The following PTPRM variants were observed in gnomAD, a reference collection of about 807,000 sequenced individuals.
PTPRM encodes the protein receptor-type tyrosine-protein phosphatase mu.
A neutral mutation model predicts 186.7 loss-of-function variants in PTPRM; 47 were observed. The ratio of observed to expected loss-of-function variants is 0.25; its 90% CI spans 0.20 to 0.32. PTPRM has a LOEUF of 0.32. Ranked by LOEUF, PTPRM falls within the 10% of genes least tolerant of loss-of-function variation. The pLI is 1.00. For synonymous variants in PTPRM, 668 were observed against 674.9 expected (o/e 0.99, Z 0.16); for missense variants, 1,494 against 1,865.0 (o/e 0.80, Z 3.66).
intron 1 of PTPRM, among the ~76,000 whole-genome samples, chr18:7,663,653 A>G (rs537098609): frequency 6.6e-6 from 1 of 152,348 alleles, no homozygotes; most frequent in South Asian, 2.1e-4. Flanking sequence ...TGTACCATGA[A>G]GAGGACAAGG....
At chr18:7,620,716 T>G (rs915279267) in intron 1 of PTPRM, among the ~76,000 whole-genome samples, 4 of 152,318 alleles carry the variant, frequency 2.6e-5, no homozygotes, top group Admixed American at 2.0e-4. Context: ...GATCATCACA[T>G]GGACATGATA....
chr18:7,690,737 G>A (rs2039713447), intron 1 of PTPRM, among the ~76,000 whole-genome samples: 1 of 152,098 alleles, frequency 6.6e-6, no homozygotes. Context: ...TTAAAATTAT[G>A]GTTGTTACCT....
chr18:7,795,510 C>T, intron 2 of PTPRM, among the ~76,000 whole-genome samples: 1 of 150,962 alleles, frequency 6.6e-6, no homozygotes, highest in East Asian at 1.9e-4. Context: ...CCCAGAGAAG[C>T]CACTTTGAGA....
At chr18:7,908,864 A>C (rs2050126473) in intron 4 of PTPRM, among the ~76,000 whole-genome samples, 1 of 152,234 alleles carries the variant, frequency 6.6e-6, no homozygotes, top group Non-Finnish European at 1.5e-5. Flanking sequence ...CCAGCTAGAA[A>C]AGTGCCATGA....
intron 1 of PTPRM, among the ~76,000 whole-genome samples, chr18:7,627,823 A>T (rs1445229865): frequency 1.3e-5 from 2 of 152,172 alleles, no homozygotes; most frequent in Admixed American, 6.5e-5. Flanking sequence ...CAGCAAGGAA[A>T]TCAACAGTAG....
At chr18:8,237,261 A>G (rs902728327) in intron 14 of PTPRM, among the ~76,000 whole-genome samples, 3 of 152,204 alleles carry the variant, frequency 2.0e-5, no homozygotes, top group South Asian at 2.1e-4. Context: ...TCTTTCTGCT[A>G]TATCAATTAA....
intron 7 of PTPRM, among the ~76,000 whole-genome samples, chr18:8,020,068 A>G (rs1341966168): frequency 6.6e-6 from 1 of 152,294 alleles, no homozygotes; most frequent in South Asian, 2.1e-4. Flanking sequence ...GATGCCTGTT[A>G]GTATATATGA....
At chr18:7,685,193 C>T (rs1180848336) in intron 1 of PTPRM, among the ~76,000 whole-genome samples, 2 of 152,170 alleles carry the variant, frequency 1.3e-5, no homozygotes, top group Non-Finnish European at 2.9e-5. Context: ...CCAGGGTCAT[C>T]TCAGAATGCC....
chr18:7,940,145 A>G (rs999133943), intron 5 of PTPRM, among the ~76,000 whole-genome samples: 1 of 152,166 alleles, frequency 6.6e-6, no homozygotes, highest in Admixed American at 6.5e-5. Context: ...AGGGAATGGA[A>G]TCTGGGGACC....
At chr18:8,331,872 T>G (rs1366252780) in intron 22 of PTPRM, among the ~76,000 whole-genome samples, 1 of 152,272 alleles carries the variant, frequency 6.6e-6, no homozygotes, top group Non-Finnish European at 1.5e-5. Context: ...TTTGAAGTCT[T>G]GCTGAAATTG....
intron 1 of PTPRM, among the ~76,000 whole-genome samples, chr18:7,711,215 G>C (rs1445933868): frequency 1.3e-5 from 2 of 152,132 alleles, no homozygotes; most frequent in Non-Finnish European, 1.5e-5. Flanking sequence ...TGCCTCACCC[G>C]GGAAGCTCAA....
chr18:8,335,061 C>T (rs957998913), intron 22 of PTPRM, among the ~76,000 whole-genome samples: 10 of 152,180 alleles, frequency 6.6e-5, no homozygotes, highest in African/African-American at 1.9e-4. Context: ...ATTCTAAAAC[C>T]GGAACTTTCC....
intron 1 of PTPRM, among the ~76,000 whole-genome samples, chr18:7,705,728 T>C (rs545368038): frequency 6.6e-6 from 1 of 151,804 alleles, no homozygotes; most frequent in East Asian, 1.9e-4. Context: ...TTTCTTTCTT[T>C]TTCTCTTTTC....
chr18:7,834,582 A>G (rs2145763207), intron 2 of PTPRM, among the ~76,000 whole-genome samples: 1 of 147,472 alleles, frequency 6.8e-6, no homozygotes, highest in Non-Finnish European at 1.5e-5. Flanking sequence ...AACCAGTTCA[A>G]AGATGTCTGG....
intron 24 of PTPRM, among the ~76,000 whole-genome samples, chr18:8,373,410 A>G (rs139942205): frequency 1.6e-4 from 24 of 152,332 alleles, no homozygotes; most frequent in Admixed American, 2.6e-4. Flanking sequence ...CACATAGCTG[A>G]TGATTCCAAG....
At chr18:7,870,878 G>C (rs540805239) in intron 2 of PTPRM, among the ~76,000 whole-genome samples, 13 of 152,180 alleles carry the variant, frequency 8.5e-5, no homozygotes, top group African/African-American at 2.7e-4. Flanking sequence ...CTCTCTGGCA[G>C]TTAACTCTCA....
At chr18:8,258,144 C>T (rs2094592322) in intron 19 of PTPRM, among the ~76,000 whole-genome samples, 1 of 152,152 alleles carries the variant, frequency 6.6e-6, no homozygotes, top group Admixed American at 6.5e-5. Flanking sequence ...GTGCAGGGAC[C>T]TCTCCAGGAG....
intron 14 of PTPRM, among the ~76,000 whole-genome samples, chr18:8,213,338 C>G (rs1366088482): frequency 6.6e-6 from 1 of 152,180 alleles, no homozygotes; most frequent in Admixed American, 6.5e-5. Context: ...GACTCCTTGT[C>G]AGCATTCTTT....
At position 7,842,947 on chromosome 18, in the gene PTPRM, T is replaced by TATATATATAGAGAGAG. The variant is rs370746043; in HGVS notation, c.197-45158_197-45157insTATATATAGAGAGAGA. Among the ~76,000 whole-genome samples, 191 of 112,088 alleles carry TATATATATAGAGAGAG rather than the reference T, an allele frequency of 1.7e-3. 3 individuals are homozygous for TATATATATAGAGAGAG. Among genetic ancestry groups the TATATATATAGAGAGAG allele is most frequent in the African/African-American group, 6.2e-3 (147 of 23,764 alleles). 73.5% of individuals were successfully genotyped at this position (112,088 alleles called of 152,430 possible). ...GTGTGTGTGTATATATATATATATA[T>TATATATATAGAGAGAG]AGAGAGAGAGAGAGAGAGAGAGAGA... On this transcript the variant is annotated intron_variant, in intron 2 of 32. Transcript: ENST00000580170.
Sources: gnomAD v4.1 joint callset for allele counts (sites outside exome capture counted in the v4.1 genomes callset) on GRCh38, gnomAD v4.1.1 for gene constraint, MANE v1.5 for transcripts, NCBI Gene and HGNC (gene_info 2026-07-23, HGNC 2026-07-21) for gene names.